Variants in TRIM49C observed in about 807,000 individuals in gnomAD.
The protein encoded by TRIM49C is tripartite motif containing 49C.
In TRIM49C, 6 loss-of-function variants were observed where a neutral mutation model predicts 21.4. The ratio of observed to expected loss-of-function variants is 0.28; its 90% CI spans 0.15 to 0.55. The LOEUF is 0.55. Among genes scored for constraint, TRIM49C ranks in the 20% least tolerant of loss-of-function variants. TRIM49C has a pLI of 0.94. For synonymous variants in TRIM49C, 57 were observed against 148.1 expected (o/e 0.38, Z 4.47); for missense variants, 161 against 442.4 (o/e 0.36, Z 5.71).
the TRIM49C span, among the ~76,000 whole-genome samples, chr11:90,056,308 C>T: frequency 1.5e-5 from 2 of 132,364 alleles, no homozygotes; most frequent in African/African-American, 2.7e-5. Context: ...CTTTCTACTG[C>T]ATAGGAAGGT....
chr11:90,042,688 T>C (rs1295216438), downstream of TRIM49C, among the ~76,000 whole-genome samples: 1 of 114,982 alleles, frequency 8.7e-6, no homozygotes, highest in Admixed American at 1.0e-4. Context: ...GCTGGAGAGA[T>C]GTAAATGGAA....
At chr11:90,063,018 A>T in the TRIM49C span, 2 of 1,398,764 alleles carry the variant, frequency 1.4e-6, no homozygotes, top group Non-Finnish European at 1.9e-6. Context: ...ATTAAAAAAA[A>T]AAAAGTGAGA....
the TRIM49C span, chr11:90,057,807 C>T: frequency 4.0e-6 from 5 of 1,252,652 alleles, 1 homozygote; most frequent in South Asian, 7.5e-5. Flanking sequence ...GTGATTGCTC[C>T]TCTTTGAGGA....
chr11:90,071,416 G>T, the TRIM49C span, among the ~76,000 whole-genome samples: 1 of 130,502 alleles, frequency 7.7e-6, no homozygotes, highest in East Asian at 2.5e-4. Flanking sequence ...TTCAATGCAG[G>T]AGTTGCTAGA....
intron 1 of TRIM49C, among the ~76,000 whole-genome samples, chr11:90,031,977 CAA>C: frequency 7.4e-6 from 1 of 134,974 alleles, no homozygotes; most frequent in South Asian, 2.5e-4. Flanking sequence ...AAAATTTCAA[CAA>C]AAAAAATTAG....
chr11:90,065,821 C>T, the TRIM49C span, among the ~76,000 whole-genome samples: 922 of 136,804 alleles, frequency 6.7e-3, 98 homozygotes, highest in African/African-American at 0.023. Context: ...CCGAGTTCGG[C>T]GGCAGGCACT....
chr11:90,062,170 G>A, the TRIM49C span: 36 of 392,654 alleles, frequency 9.2e-5, 1 homozygote, highest in East Asian at 5.8e-4. Context: ...AGAGTGAAGC[G>A]GTCAGATTTT....
the TRIM49C span, among the ~76,000 whole-genome samples, chr11:90,047,930 T>C: frequency 2.5e-5 from 3 of 121,160 alleles, 1 homozygote; most frequent in South Asian, 9.3e-4. Context: ...CCATGTTTAG[T>C]GCTTCCTTTA....
chr11:90,071,287 G>A, the TRIM49C span: 1 of 435,310 alleles, frequency 2.3e-6, no homozygotes, highest in Non-Finnish European at 4.5e-6. Flanking sequence ...ATGTGATTGT[G>A]TGTGTAAGTG....
the TRIM49C span, among the ~76,000 whole-genome samples, chr11:90,067,329 A>G: frequency 7.2e-6 from 1 of 139,778 alleles, no homozygotes. Context: ...TCATTTCAAC[A>G]TGGAAGCAAA....
the TRIM49C span, among the ~76,000 whole-genome samples, chr11:90,064,233 TAA>T: frequency 1.3e-5 from 2 of 150,168 alleles, no homozygotes; most frequent in South Asian, 2.1e-4. Flanking sequence ...TTCAATACAT[TAA>T]ATGTAATTAA....
the TRIM49C span, chr11:90,057,805 T>C: frequency 2.4e-6 from 3 of 1,244,846 alleles, 1 homozygote; most frequent in Non-Finnish European, 2.1e-6. Context: ...TAGTGATTGC[T>C]CCTCTTTGAG....
chr11:90,037,236 A>C (rs1458065627), intron 4 of TRIM49C, among the ~76,000 whole-genome samples: 1 of 134,560 alleles, frequency 7.4e-6, no homozygotes, highest in East Asian at 2.2e-4. Context: ...ACTTAGAAAA[A>C]GAATAGAAGG....
the TRIM49C span, among the ~76,000 whole-genome samples, chr11:90,055,820 T>C: frequency 4.1e-5 from 6 of 146,024 alleles, no homozygotes; most frequent in East Asian, 1.0e-3. Context: ...CCTATATTGG[T>C]ACAAACATGT....
chr11:90,071,803 G>T, the TRIM49C span: 13 of 1,029,276 alleles, frequency 1.3e-5, no homozygotes, highest in Non-Finnish European at 1.8e-5. Flanking sequence ...GGTGAGTGTG[G>T]CCCTCTTGGT....
chr11:90,064,158 C>T, the TRIM49C span, among the ~76,000 whole-genome samples: 18 of 142,490 alleles, frequency 1.3e-4, no homozygotes, highest in East Asian at 2.1e-4. Context: ...CAGAGTGGAC[C>T]GTCAACTCCT....
At chr11:90,037,336 T>C (rs1023511369) in intron 4 of TRIM49C, among the ~76,000 whole-genome samples, 2 of 132,954 alleles carry the variant, frequency 1.5e-5, no homozygotes, top group Non-Finnish European at 3.2e-5. Context: ...TAGCTGGACA[T>C]GCTAGTCTAA....
chr11:90,069,953 C>CAACT, the TRIM49C span, among the ~76,000 whole-genome samples: 1 of 129,026 alleles, frequency 7.8e-6, no homozygotes, highest in Non-Finnish European at 1.6e-5. Context: ...CATCCTCCTG[C>CAACT]AACTAATCAT....
chr11:90,060,133 A>G, the TRIM49C span, among the ~76,000 whole-genome samples: 4 of 143,334 alleles, frequency 2.8e-5, no homozygotes, highest in Admixed American at 2.1e-4. Context: ...CTCTTTTGAA[A>G]CAAAATCGGA....
Sources: gnomAD v4.1 joint callset for allele counts (sites outside exome capture counted in the v4.1 genomes callset) on GRCh38, gnomAD v4.1.1 for gene constraint, MANE v1.5 for transcripts, NCBI Gene and HGNC (gene_info 2026-07-23, HGNC 2026-07-21) for gene names.